NHLRC2: variants seen among roughly 807,000 people sequenced by gnomAD.
The protein encoded by NHLRC2 is NHL repeat containing 2.
Under a neutral mutation model 68.1 loss-of-function variants are expected in NHLRC2, and 33 were observed. The observed-to-expected ratio is 0.48, with a 90% CI of 0.37 to 0.65. NHLRC2 has a LOEUF of 0.65. Ranked by LOEUF, NHLRC2 falls within the 30% of genes least tolerant of loss-of-function variation. The pLI is 0.00. For synonymous variants in NHLRC2, 311 were observed against 309.6 expected, an observed-to-expected ratio of 1.00 and a Z score of -0.05; for missense variants, 761 against 853.8, an observed-to-expected ratio of 0.89 and a Z score of 1.35.
Position 113,915,293 on chromosome 10 carries a change from C to G in NHLRC2, c.*6757C>G, listed in dbSNP as rs1336702966. On this transcript the variant is annotated 3_prime_UTR_variant, in exon 11 of 11. Transcript: ENST00000369301. Reference sequence around the variant, plus strand: ...ACAAGCAGCCATATACTAAAAAGCACTAAACAAGCACAAATGAACACTAAA... The same window carrying G: ...ACAAGCAGCCATATACTAAAAAGCAGTAAACAAGCACAAATGAACACTAAA... 1 of 453,552 alleles carries G rather than the reference C, an allele frequency of 2.2e-6. No individual in the cohort carries two copies. Among genetic ancestry groups the G allele is most frequent in the Non-Finnish European group, 4.4e-6 (1 of 225,630 alleles). 28.1% of individuals were successfully genotyped at this position (453,552 alleles called of 1,614,324 possible).
rs1846379971 is a variant in NHLRC2, at chr10:113,915,892, A to T, written c.*7356A>T. Reference sequence around the variant, plus strand: ...TGGCCTCAAGCCACCAACCTCTCAAATTGCTAGAATTACAAGCATGAGCCA... The same window carrying T: ...TGGCCTCAAGCCACCAACCTCTCAATTTGCTAGAATTACAAGCATGAGCCA... On this transcript the variant is annotated 3_prime_UTR_variant, in exon 11 of 11. Transcript: ENST00000369301. 6.6e-6 allele frequency: 1 copy of T among 152,476 alleles called. No individual in the cohort carries two copies. The highest frequency in any genetic ancestry group is 1.5e-5 in the Non-Finnish European group (1 of 68,336). 9.4% of individuals were successfully genotyped at this position (152,476 alleles called of 1,614,324 possible). A position where few individuals can be genotyped will look rare whatever the true frequency, so the allele number is the denominator to read the frequency against.
intron 2 of NHLRC2, among the ~76,000 whole-genome samples, chr10:113,861,827 T>A (rs1407578745): frequency 2.0e-5 from 3 of 152,188 alleles, no homozygotes; most frequent in East Asian, 1.9e-4. Context: ...ACTATATTTT[T>A]AAAATTATTC....
chr10:113,864,088 A>G (rs1480397940), intron 2 of NHLRC2, among the ~76,000 whole-genome samples: 1 of 152,218 alleles, frequency 6.6e-6, no homozygotes, highest in African/African-American at 2.4e-5. Flanking sequence ...AACTTTGAGG[A>G]CATTATGTTA....
intron 2 of NHLRC2, 57 bp downstream of exon 2, chr10:113,858,737 T>C: frequency 1.6e-6 from 2 of 1,285,012 alleles, no homozygotes; most frequent in African/African-American, 1.5e-5. Flanking sequence ...ACTGGAAGAG[T>C]GGCTGACTCA....
In NHLRC2 at chr10:113,898,217, A is replaced by G; in HGVS notation, c.1139+8A>G. On this transcript the variant is annotated splice_region_variant and intron_variant, in intron 6 of 10. Coordinates refer to ENST00000369301, the MANE Select transcript of NHLRC2 (RefSeq NM_198514.4). Reference sequence around the variant, plus strand: ...CAAACTGCCAAAGAAAAAGTAAGTGACAGCCTCTCTCTTTGAGTAGACTGT... The same window carrying G: ...CAAACTGCCAAAGAAAAAGTAAGTGGCAGCCTCTCTCTTTGAGTAGACTGT... 1 of 1,578,854 alleles carries G rather than the reference A, an allele frequency of 6.3e-7. No homozygotes were observed. Among genetic ancestry groups the G allele is most frequent in the Non-Finnish European group, 8.7e-7 (1 of 1,148,280 alleles).
At position 113,888,991 on chromosome 10, in the gene NHLRC2, TA is replaced by T. The variant is rs377084329; in HGVS notation, c.1039+4613del. 7.5e-3 allele frequency among the ~76,000 whole-genome samples: 1,142 copies of T among 152,156 alleles called. 4 individuals are homozygous for T. Among genetic ancestry groups the T allele is most frequent in the South Asian group, 0.019 (93 of 4,816 alleles). On this transcript the variant is annotated intron_variant, in intron 5 of 10. Transcript: ENST00000369301. ...ACAGGTGTGCACCACCATGCCTGGC[TA>T]ATTTTTGTATTTTTAGTAGAGATGG...
At position 113,884,301 on chromosome 10, in the gene NHLRC2, A is replaced by C. The variant is rs1846061863; in HGVS notation, c.960A>C (p.Gln320His). ...KVSTVAGIGI[Q>H]GTDKEGGAKG... Reference sequence around the variant, plus strand: ...GCACTGTAGCTGGTATTGGAATTCAAGGTACAGATAAAGAAGGTGGAGCAA... The same window carrying C: ...GCACTGTAGCTGGTATTGGAATTCACGGTACAGATAAAGAAGGTGGAGCAA... The change falls in exon 5 of 11, where the codon CAA becomes CAC. Residue 320 changes from glutamine to histidine, a missense_variant. Physicochemically the swap from Gln to His is conservative, Grantham distance 24. Coordinates refer to ENST00000369301, the MANE Select transcript of NHLRC2 (RefSeq NM_198514.4). 4.3e-6 allele frequency: 7 copies of C among 1,610,304 alleles called. No homozygotes were observed. The highest frequency in any genetic ancestry group is 5.1e-6 in the Non-Finnish European group (6 of 1,177,186).
chr10:113,885,914 A>T (rs1846078369), intron 5 of NHLRC2, among the ~76,000 whole-genome samples: 1 of 152,026 alleles, frequency 6.6e-6, no homozygotes, highest in South Asian at 2.1e-4. Context: ...TAAGAAAAAG[A>T]AATAAAAGGC....
intron 10 of NHLRC2, among the ~76,000 whole-genome samples, 171 bp from the exon 11 acceptor site, chr10:113,908,109 A>G (rs1846291696): frequency 6.6e-6 from 1 of 152,176 alleles, no homozygotes; most frequent in African/African-American, 2.4e-5. Context: ...ACTTCTAATG[A>G]GTGGTCAGTA....
chr10:113,876,697 C>G lies in NHLRC2; in HGVS notation c.508C>G (p.Pro170Ala). ...CTGGCCAACTCTAGTCATACTTGGA[C>G]CTCGTGGAAACATGTTGTTTTCTTT... ...SCWPTLVILG[P>A]RGNMLFSLIG... Residue 170 changes from proline (P) to alanine (A), a missense_variant, in exon 3 of 11, where the codon CCT (proline) becomes GCT (alanine). Physicochemically the swap from Pro to Ala is conservative, Grantham distance 27 (BLOSUM62 -1). Transcript: ENST00000369301. 1 of 1,613,810 alleles carries G rather than the reference C, an allele frequency of 6.2e-7. No homozygotes were observed. Among genetic ancestry groups the G allele is most frequent in the Non-Finnish European group, 8.5e-7 (1 of 1,179,864 alleles).
At chr10:113,885,880 C>T (rs1846078037) in intron 5 of NHLRC2, among the ~76,000 whole-genome samples, 1 of 151,674 alleles carries the variant, frequency 6.6e-6, no homozygotes, top group African/African-American at 2.4e-5. Context: ...CTAGTGGTTC[C>T]TTATGGGAAG....
rs1846294761 is a variant in NHLRC2 at position 113,908,456 on chromosome 10, A to G, written c.2101A>G (p.Ile701Val). ...ADSSACMMKAILFSQPLQITD... is the reference protein window; with the variant it reads ...ADSSACMMKAVLFSQPLQITD... ...CAGCAGTGCTTGTATGATGAAGGCA[A>G]TTTTGTTCAGTCAGCCTTTACAAAT... Residue 701 changes from isoleucine to valine, a missense_variant, in exon 11 of 11, where the codon ATT becomes GTT. Physicochemically the swap from Ile to Val is conservative, Grantham distance 29. Coordinates refer to ENST00000369301, the MANE Select transcript of NHLRC2 (RefSeq NM_198514.4). 3 of 1,613,784 alleles carry G rather than the reference A, an allele frequency of 1.9e-6. No homozygotes were observed. Among genetic ancestry groups the G allele is most frequent in the South Asian group, 2.2e-5 (2 of 91,070 alleles).
chr10:113,874,051 T>G (rs1246652202), intron 2 of NHLRC2, among the ~76,000 whole-genome samples: 2 of 152,210 alleles, frequency 1.3e-5, no homozygotes, highest in East Asian at 3.8e-4. Context: ...TGGTTATATT[T>G]GTTGTGTTTA....
chr10:113,903,194 T>A (rs1204598061), intron 8 of NHLRC2, among the ~76,000 whole-genome samples: 2 of 152,156 alleles, frequency 1.3e-5, no homozygotes. Context: ...TCAGTTCAGT[T>A]GTGAAAGTGT....
chr10:113,899,480 T>C (rs1185904303), intron 6 of NHLRC2, among the ~76,000 whole-genome samples: 1 of 152,208 alleles, frequency 6.6e-6, no homozygotes. Context: ...GTTTAGCAAA[T>C]ATTTATGCTA....
intron 5 of NHLRC2, among the ~76,000 whole-genome samples, chr10:113,887,059 C>G (rs971667981): frequency 6.6e-6 from 1 of 152,078 alleles, no homozygotes; most frequent in African/African-American, 2.4e-5. Context: ...GAAAGGGTAT[C>G]ACAAACATTT....
intron 3 of NHLRC2, 79 bp from the exon 4 acceptor site, chr10:113,879,495 A>G (rs1170374268): frequency 8.0e-7 from 1 of 1,248,444 alleles, no homozygotes; most frequent in Non-Finnish European, 1.1e-6. Flanking sequence ...AAATCCCAGC[A>G]TTAAATACAA....
At chr10:113,890,597 T>C (rs1419854678) in intron 5 of NHLRC2, among the ~76,000 whole-genome samples, 2 of 152,222 alleles carry the variant, frequency 1.3e-5, no homozygotes, top group Non-Finnish European at 2.9e-5. Flanking sequence ...GGACTTCAGT[T>C]ACTCATGTTA....
rs564633503 is a variant in NHLRC2 at position 113,860,279 on chromosome 10, G to T, written c.331+1599G>T. 6.6e-5 allele frequency among the ~76,000 whole-genome samples: 10 copies of T among 152,138 alleles called. No individual in the cohort carries two copies. The East Asian group carries it at 1.2e-3, about 18-fold the overall frequency. On this transcript the variant is annotated intron_variant, in intron 2 of 10. Transcript: ENST00000369301. ...TAAGATCACCCCTGAAAGACTATTT[G>T]GTGAACTCATGGTTAACCCCATACC...
Sources: gnomAD v4.1 joint callset for allele counts (sites outside exome capture counted in the v4.1 genomes callset) on GRCh38, gnomAD v4.1.1 for gene constraint, MANE v1.5 for transcripts, NCBI Gene and HGNC (gene_info 2026-07-23, HGNC 2026-07-21) for gene names.